MAGI2: variants seen among roughly 807,000 people sequenced by gnomAD.
MAGI2 encodes membrane associated guanylate kinase, WW and PDZ domain containing 2.
In MAGI2, 35 loss-of-function variants were observed where a neutral mutation model predicts 133.3. That is an observed-to-expected ratio of 0.26 (90% CI 0.20 to 0.35). The LOEUF (loss-of-function observed/expected upper bound fraction) is 0.35, where lower values mean the gene tolerates loss of function less well. Ranked by LOEUF, MAGI2 falls within the 10% of genes least tolerant of loss-of-function variation. The pLI is 1.00. For missense variants in MAGI2, 1,636 were observed against 1,863.4 expected, an observed-to-expected ratio of 0.88 and a Z score of 2.25; for synonymous variants, 729 against 710.6, an observed-to-expected ratio of 1.03 and a Z score of -0.41.
At chr7:78,034,553 A>G (rs1809960936) in intron 21 of MAGI2, among the ~76,000 whole-genome samples, 1 of 152,096 alleles carries the variant, frequency 6.6e-6, no homozygotes, top group Non-Finnish European at 1.5e-5. Context: ...TTTTAGATGG[A>G]GTCTCGCTCT....
At chr7:78,813,838 TGAAGGAATA>T (rs1417549365) in intron 2 of MAGI2, among the ~76,000 whole-genome samples, 1 of 148,616 alleles carries the variant, frequency 6.7e-6, no homozygotes, top group African/African-American at 2.5e-5. Flanking sequence ...CAGCAGGAAC[TGAAGGAATA>T]GAAGGAATAG....
At chr7:78,934,017 C>A (rs931500503) in intron 2 of MAGI2, among the ~76,000 whole-genome samples, 1 of 152,050 alleles carries the variant, frequency 6.6e-6, no homozygotes, top group African/African-American at 2.4e-5. Context: ...TTCAAGCCTG[C>A]CATTGTCTGT....
intron 1 of MAGI2, among the ~76,000 whole-genome samples, chr7:79,130,936 T>C (rs13227089): frequency 2.0e-5 from 3 of 148,326 alleles, no homozygotes; most frequent in African/African-American, 5.0e-5. Context: ...TTCATTCATT[T>C]ATTCATTCAC....
intron 1 of MAGI2, among the ~76,000 whole-genome samples, chr7:79,427,276 T>C (rs1409865665): frequency 6.6e-6 from 1 of 152,170 alleles, no homozygotes; most frequent in Non-Finnish European, 1.5e-5. Flanking sequence ...ACTTAAAACC[T>C]AGATGATGGG....
chr7:78,689,391 T>A (rs1338457988), intron 2 of MAGI2, among the ~76,000 whole-genome samples: 2 of 152,124 alleles, frequency 1.3e-5, no homozygotes, highest in Non-Finnish European at 2.9e-5. Context: ...GCTGATATTA[T>A]CAGAAAAAAA....
At chr7:78,750,567 C>A (rs746704539) in intron 2 of MAGI2, among the ~76,000 whole-genome samples, 2 of 152,162 alleles carry the variant, frequency 1.3e-5, no homozygotes, top group Middle Eastern at 3.2e-3. Context: ...ACAGGCACTT[C>A]TCTTTCCAGA....
At chr7:78,703,715 G>A (rs1585136122) in intron 2 of MAGI2, among the ~76,000 whole-genome samples, 1 of 151,870 alleles carries the variant, frequency 6.6e-6, no homozygotes, top group South Asian at 2.1e-4. Flanking sequence ...TATCACTTGT[G>A]TTTTGTTACC....
At chr7:78,564,955 A>G (rs1380745620) in intron 3 of MAGI2, among the ~76,000 whole-genome samples, 1 of 151,212 alleles carries the variant, frequency 6.6e-6, no homozygotes, top group Non-Finnish European at 1.5e-5. Flanking sequence ...CACCACGCCC[A>G]GCTAATTTTT....
intron 2 of MAGI2, among the ~76,000 whole-genome samples, chr7:78,925,555 G>A (rs1448633364): frequency 6.6e-6 from 1 of 151,974 alleles, no homozygotes; most frequent in African/African-American, 2.4e-5. Flanking sequence ...CCATATGCAT[G>A]CTAAGATATT....
intron 2 of MAGI2, among the ~76,000 whole-genome samples, chr7:78,712,631 A>G (rs185220546): frequency 5.9e-5 from 9 of 152,298 alleles, no homozygotes; most frequent in African/African-American, 1.9e-4. Context: ...ACAAAAGAGT[A>G]AAGGGCAGTA....
intron 1 of MAGI2, among the ~76,000 whole-genome samples, chr7:79,103,761 G>A (rs1002783516): frequency 6.6e-5 from 10 of 151,732 alleles, no homozygotes; most frequent in South Asian, 2.1e-4. Flanking sequence ...GTGCAGTGGC[G>A]CAATCTTGGC....
At chr7:79,139,866 T>C (rs1027160237) in intron 1 of MAGI2, 2 of 152,356 alleles carry the variant, frequency 1.3e-5, no homozygotes, top group Non-Finnish European at 2.9e-5. Flanking sequence ...ATAGTAAGCA[T>C]GTTTCTTATT....
In MAGI2 at chr7:78,969,237, C is replaced by G. The variant is rs558368814; in HGVS notation, c.418+37853G>C. Among the ~76,000 whole-genome samples, 8 of 152,148 alleles carry G rather than the reference C, an allele frequency of 5.3e-5. No individual in the cohort carries two copies. The South Asian group carries it at 1.7e-3, about 32-fold the overall frequency. On this transcript the variant is annotated intron_variant, in intron 2 of 21. Transcript: ENST00000354212. ...GTAGGAGGGCCAGTCTTTTCTCGAGCTGTGTAAATGGCACACCTGGTCAAA... is the reference window on the plus strand; with the variant it reads ...GTAGGAGGGCCAGTCTTTTCTCGAGGTGTGTAAATGGCACACCTGGTCAAA...
intron 2 of MAGI2, among the ~76,000 whole-genome samples, chr7:78,985,572 TA>T (rs1279290979): frequency 1.3e-5 from 2 of 151,442 alleles, no homozygotes; most frequent in African/African-American, 4.9e-5. Context: ...ATTATCGCCA[TA>T]ACTCAGGCAG....
At chr7:78,487,858 T>C (rs1289213821) in intron 6 of MAGI2, among the ~76,000 whole-genome samples, 6 of 152,122 alleles carry the variant, frequency 3.9e-5, no homozygotes, top group African/African-American at 1.4e-4. Flanking sequence ...GTGTGGCACA[T>C]ATGAAGAATC....
At chr7:78,426,211 G>C (rs1179766048) in intron 6 of MAGI2, among the ~76,000 whole-genome samples, 1 of 152,118 alleles carries the variant, frequency 6.6e-6, no homozygotes, top group Non-Finnish European at 1.5e-5. Flanking sequence ...ATTGCATTAG[G>C]TTGAAGATAG....
At chr7:78,127,497 G>T in intron 18 of MAGI2, 81 bp from the exon 19 acceptor site, 1 of 1,028,790 alleles carries the variant, frequency 9.7e-7, no homozygotes, top group East Asian at 2.5e-5. Context: ...TCCAGAGGTG[G>T]GCCAGCCATG....
chr7:78,034,097 A>C (rs1326901599), intron 21 of MAGI2, among the ~76,000 whole-genome samples: 1 of 152,234 alleles, frequency 6.6e-6, no homozygotes, highest in Non-Finnish European at 1.5e-5. Flanking sequence ...GCTCACTCTT[A>C]GGGTGAAGAA....
At chr7:79,401,481 C>T (rs1207967508) in intron 1 of MAGI2, among the ~76,000 whole-genome samples, 2 of 152,134 alleles carry the variant, frequency 1.3e-5, no homozygotes. Flanking sequence ...CGTTACTGTG[C>T]CATATTGCCT....
Sources: allele counts gnomAD v4.1 joint callset (sites outside exome capture counted in the v4.1 genomes callset), GRCh38; gene constraint gnomAD v4.1.1; transcripts MANE v1.5; gene names NCBI Gene and HGNC (gene_info 2026-07-23, HGNC 2026-07-21).